Variants in DIPK2A observed in about 807,000 individuals in gnomAD.
DIPK2A encodes the protein Golgi Protein of 49 kDa.
In DIPK2A, 27 loss-of-function variants were observed where a neutral mutation model predicts 39.0. That is an observed-to-expected ratio of 0.69 (90% CI 0.51 to 0.96). DIPK2A has a LOEUF of 0.96. DIPK2A is among the 40% of genes least tolerant of loss of function. The pLI, the probability that DIPK2A is intolerant of heterozygous loss-of-function variation, is 0.00. For missense variants in DIPK2A, 528 were observed against 571.3 expected (o/e 0.92, Z 0.77); for synonymous variants, 298 against 240.8 (o/e 1.24, Z -2.20).
chr3:143,986,841 G>A (rs1576813200), intron 2 of DIPK2A, among the ~76,000 whole-genome samples: 2 of 152,012 alleles, frequency 1.3e-5, no homozygotes, highest in East Asian at 1.9e-4. Flanking sequence ...AAGGGTTGTT[G>A]CTCCATGGTG....
chr3:143,975,213 C>T (rs1230964938), intron 1 of DIPK2A, among the ~76,000 whole-genome samples: 2 of 151,952 alleles, frequency 1.3e-5, no homozygotes, highest in Non-Finnish European at 2.9e-5. Context: ...AGGAATAGTA[C>T]TAATACTAAT....
At chr3:143,980,602 ACTTT>A (rs1364011460) in intron 1 of DIPK2A, among the ~76,000 whole-genome samples, 1 of 149,754 alleles carries the variant, frequency 6.7e-6, no homozygotes, top group African/African-American at 2.5e-5. Context: ...GATGACATAT[ACTTT>A]CTAAGAGTGT....
chr3:143,978,622 C>CTATA (rs60796376), intron 1 of DIPK2A: 14 of 121,640 alleles, frequency 1.2e-4, no homozygotes, highest in East Asian at 2.3e-4. Flanking sequence ...ATATCTATAT[C>CTATA]TATATATATA....
Position 143,972,417 on chromosome 3 carries a change from G to T in DIPK2A, c.85G>T (p.Val29Leu). The stretch of plus-strand genomic sequence containing the variant: ...GCTGGGCAGCCTGTTGGTGCTGATG[G>T]TGCTGCACTCGCCGTCGCTGCTCGC... ...AALGSLLVLM[V>L]LHSPSLLASW... The change falls in exon 1 of 3, where the codon GTG (valine) becomes TTG (leucine). Residue 29 changes from valine (V) to leucine (L), a missense_variant. This residue lies in a region of DIPK2A where 309 missense variants were observed against 289.8 expected (regional missense o/e 1.07). Transcript: ENST00000315691. 6.5e-7 allele frequency: 1 copy of T among 1,548,680 alleles called. No individual in the cohort carries two copies.
intron 1 of DIPK2A, among the ~76,000 whole-genome samples, chr3:143,978,689 T>TATATATATATCTATATAG (rs2087784793): frequency 7.4e-6 from 1 of 134,720 alleles, no homozygotes; most frequent in Admixed American, 7.7e-5. Context: ...TATCTATATA[T>TATATATATATCTATATAG]ATATATATAT....
At position 143,971,971 on chromosome 3, in the gene DIPK2A, G is replaced by C. The variant is rs548232879; in HGVS notation, c.-362G>C. 4.1e-6 allele frequency: 1 copy of C among 245,126 alleles called. No homozygotes were observed. Among genetic ancestry groups the C allele is most frequent in the African/African-American group, 2.2e-5 (1 of 44,854 alleles). The allele number at this position is 245,126 out of a possible 1,614,324, so 15.2% of individuals were successfully genotyped here. The stretch of plus-strand genomic sequence containing the variant: ...CCGCCGCAGCTCTTGTGCGAAGCCA[G>C]CAGTGCGCGTGCGCGCGGGCACGGG... On this transcript the variant is annotated 5_prime_UTR_variant, in exon 1 of 3. Coordinates refer to ENST00000315691, the MANE Select transcript of DIPK2A (RefSeq NM_173552.5).
In DIPK2A at chr3:143,972,821, C is replaced by G; in HGVS notation, c.489C>G (p.Gly163=). 2 of 1,562,866 alleles carry G rather than the reference C, an allele frequency of 1.3e-6. No individual in the cohort carries two copies. The highest frequency in any genetic ancestry group is 1.7e-6 in the Non-Finnish European group (2 of 1,157,592). Residue 163 remains glycine (G), a synonymous_variant, in exon 1 of 3, where the codon GGC becomes GGG. Transcript: ENST00000315691. ...TGCTCACGCCCGAGGCGGTGGAGGG[C>G]TGGTCGGACCTGGTGCACTGCCCCT... ...VRLLTPEAVE[G]WSDLVHCPSQ...
chr3:143,987,881 T>C (rs1033679696), intron 2 of DIPK2A, among the ~76,000 whole-genome samples: 27 of 152,222 alleles, frequency 1.8e-4, no homozygotes, highest in Non-Finnish European at 1.0e-4. Flanking sequence ...AATTGGCAAA[T>C]TTGTGAAGTG....
chr3:143,986,207 T>G (rs1003275162), intron 2 of DIPK2A: 1 of 183,764 alleles, frequency 5.4e-6, no homozygotes, highest in African/African-American at 2.4e-5. Flanking sequence ...TATAATTATA[T>G]TCATGTAATA....
Position 143,972,772 on chromosome 3 carries a change from C to T in DIPK2A, c.440C>T (p.Ala147Val), listed in dbSNP as rs2087674268. Residue 147 changes from alanine to valine, a missense_variant, in exon 1 of 3, where the codon GCG becomes GTG. By Grantham distance (64) the Ala-to-Val change is moderately conservative (BLOSUM62 0). Coordinates refer to ENST00000315691, the MANE Select transcript of DIPK2A (RefSeq NM_173552.5). ...CAGGCCATGCCCCGGACCGAGTTCG[C>T]GCGCCTCAACGGCGACGTGCGTCTG... The part of the protein sequence containing the change: ...LLQAMPRTEF[A>V]RLNGDVRLLT... 1 of 1,570,268 alleles carries T rather than the reference C, an allele frequency of 6.4e-7. No individual in the cohort carries two copies. The highest frequency in any genetic ancestry group is 2.3e-5 in the East Asian group (1 of 43,084).
At chr3:143,979,023 A>G (rs1046526633) in intron 1 of DIPK2A, among the ~76,000 whole-genome samples, 1 of 152,132 alleles carries the variant, frequency 6.6e-6, no homozygotes, top group African/African-American at 2.4e-5. Context: ...TCAGTTGTAA[A>G]GCTTTTTACA....
intron 1 of DIPK2A, among the ~76,000 whole-genome samples, chr3:143,981,670 AAAACAAAAACAG>A (rs1171048676): frequency 5.3e-5 from 8 of 152,248 alleles, no homozygotes; most frequent in African/African-American, 9.6e-5. Flanking sequence ...TAAATAAGCA[AAAACAAAAACAG>A]AAACAAAAAC....
intron 2 of DIPK2A, among the ~76,000 whole-genome samples, chr3:143,986,578 G>C (rs1359363159): frequency 6.6e-6 from 1 of 152,058 alleles, no homozygotes; most frequent in African/African-American, 2.4e-5. Flanking sequence ...CAAAAAATTA[G>C]CCGGGCGAGG....
At chr3:143,980,366 C>T (rs1211926072) in intron 1 of DIPK2A, among the ~76,000 whole-genome samples, 2 of 152,150 alleles carry the variant, frequency 1.3e-5, no homozygotes, top group Non-Finnish European at 2.9e-5. Flanking sequence ...CTCCCGGGTT[C>T]AAGCAATTCT....
chr3:143,984,829 A>G (rs2087876301), intron 1 of DIPK2A, among the ~76,000 whole-genome samples: 1 of 152,156 alleles, frequency 6.6e-6, no homozygotes, highest in Non-Finnish European at 1.5e-5. Flanking sequence ...AACTTGGACC[A>G]GATGTGCTCA....
intron 2 of DIPK2A, among the ~76,000 whole-genome samples, chr3:143,988,952 A>G (rs2087944307): frequency 1.3e-5 from 2 of 152,300 alleles, no homozygotes. Flanking sequence ...TCGTGATTAC[A>G]CAAGTTACGA....
chr3:143,979,070 T>G (rs1002560759), intron 1 of DIPK2A, among the ~76,000 whole-genome samples: 1 of 152,190 alleles, frequency 6.6e-6, no homozygotes, highest in Non-Finnish European at 1.5e-5. Flanking sequence ...TATTCCATTT[T>G]TAGACAGCTA....
At chr3:143,973,158 G>A (rs2087683067) in intron 1 of DIPK2A, 169 bp downstream of exon 1, 1 of 1,069,868 alleles carries the variant, frequency 9.3e-7, no homozygotes, top group Non-Finnish European at 1.4e-6. Flanking sequence ...GGCTGTGCAG[G>A]GAGGCCGAGG....
rs1156833163 is a variant in DIPK2A, at chr3:143,978,682, C to CTATATA, written c.657+5708_657+5713dup. 4.6e-4 allele frequency among the ~76,000 whole-genome samples: 26 copies of CTATATA among 56,194 alleles called. No individual in the cohort carries two copies. In the East Asian group the frequency reaches 0.011, roughly 24 times the overall value. The allele number at this position is 56,194 out of a possible 152,430, so 36.9% of individuals were successfully genotyped here. On this transcript the variant is annotated intron_variant, in intron 1 of 2. Coordinates refer to ENST00000315691, the MANE Select transcript of DIPK2A (RefSeq NM_173552.5). ...TATCTATATATAGATATATATATAT[C>CTATATA]TATATATATATATATATATACTGTC... is the stretch of plus-strand genomic sequence containing the variant.
Sources: gnomAD v4.1 joint callset for allele counts (sites outside exome capture counted in the v4.1 genomes callset) on GRCh38, gnomAD v4.1.1 for gene constraint, gnomAD v4.1.1 regional missense constraint, MANE v1.5 for transcripts, NCBI Gene and HGNC (gene_info 2026-07-23, HGNC 2026-07-21) for gene names.